The following STRAP variants were observed in gnomAD, a reference collection of about 807,000 sequenced individuals.
The protein encoded by STRAP is serine/threonine kinase receptor associated protein.
In STRAP, 16 loss-of-function variants were observed where a neutral mutation model predicts 47.0. That is an observed-to-expected ratio of 0.34 (90% confidence interval 0.23 to 0.52). The LOEUF (loss-of-function observed/expected upper bound fraction) is 0.52. STRAP is among the 20% of genes least tolerant of loss of function. The pLI is 0.96. For synonymous variants in STRAP, 130 were observed against 142.7 expected (o/e 0.91, Z 0.63); for missense variants, 293 against 420.0 (o/e 0.70, Z 2.64).
intron 7 of STRAP, 59 bp from the exon 8 acceptor site, chr12:15,899,845 T>TA: frequency 8.8e-6 from 13 of 1,485,630 alleles, no homozygotes; most frequent in Non-Finnish European, 1.2e-5. Flanking sequence ...TTTTTTTTTT[T>TA]AGCATATCAA....
At chr12:15,897,190 G>A (rs1948066289) in intron 6 of STRAP, among the ~76,000 whole-genome samples, 1 of 152,176 alleles carries the variant, frequency 6.6e-6, no homozygotes, top group African/African-American at 2.4e-5. Flanking sequence ...ATGATGGGAA[G>A]TATTTAGGAG....
intron 2 of STRAP, 72 bp from the exon 3 acceptor site, chr12:15,889,856 T>C: frequency 1.6e-6 from 2 of 1,247,060 alleles, no homozygotes; most frequent in East Asian, 5.1e-5. Flanking sequence ...CTCATCAATA[T>C]TATAATTGTA....
intron 2 of STRAP, among the ~76,000 whole-genome samples, chr12:15,889,621 AAAGT>A: frequency 6.6e-6 from 1 of 152,324 alleles, no homozygotes; most frequent in Non-Finnish European, 1.5e-5. Context: ...AGCTAAAATA[AAAGT>A]AAGGAGGATG....
intron 9 of STRAP, 121 bp from the exon 10 acceptor site, chr12:15,902,796 C>CCACAG: frequency 8.1e-7 from 1 of 1,241,930 alleles, no homozygotes; most frequent in East Asian, 2.7e-5. Context: ...CTTTCCCTTA[C>CCACAG]CACAGTATGC....
chr12:15,892,005 A>C (rs376116244), intron 4 of STRAP, among the ~76,000 whole-genome samples: 49 of 152,342 alleles, frequency 3.2e-4, no homozygotes, highest in African/African-American at 1.1e-3. Flanking sequence ...TCTTCCAACA[A>C]AGTATGGGTA....
Position 15,894,195 on chromosome 12 carries a change from C to A in STRAP, c.500+52C>A. 1 of 1,457,700 alleles carries A rather than the reference C, an allele frequency of 6.9e-7. No homozygotes were observed. Among genetic ancestry groups the A allele is most frequent in the Non-Finnish European group, 9.6e-7 (1 of 1,042,440 alleles). The allele number at this position is 1,457,700 out of a possible 1,614,324, so 90.3% of individuals were successfully genotyped here. On this transcript the variant is annotated intron_variant, in intron 5 of 9. Transcript: ENST00000419869. This position sits in a 1 kb window ranked among gnomAD's most constrained non-coding sequence, Gnocchi z 4.9. ...CAATTTAAGGCCGGGCATGGTGGCT[C>A]ACGCCTATAATCTCAGCACTTTGGG...
chr12:15,885,537 TCTG>T lies in STRAP; in HGVS notation c.248+1866_248+1868del, dbSNP rs146613059. 7.9e-3 allele frequency among the ~76,000 whole-genome samples: 1,153 copies of T among 146,500 alleles called. 19 individuals are homozygous for T. Among genetic ancestry groups the T allele is most frequent in the African/African-American group, 0.027 (1,092 of 39,744 alleles). ...CCTCACACTAAGGAGCAATTGTAAATCTGCTGCCTCCTTCATTTTAAGTACATT... is the reference window on the plus strand; with the variant it reads ...CCTCACACTAAGGAGCAATTGTAAATCTGCCTCCTTCATTTTAAGTACATT... On this transcript the variant is annotated intron_variant, in intron 2 of 9. Coordinates refer to ENST00000419869, the MANE Select transcript of STRAP (RefSeq NM_007178.4).
intron 8 of STRAP, 77 bp downstream of exon 8, chr12:15,900,130 C>T (rs1948091679): frequency 7.1e-7 from 1 of 1,402,020 alleles, no homozygotes; most frequent in African/African-American, 1.5e-5. Flanking sequence ...AATTTTATTT[C>T]AGGGTTCCTG....
intron 2 of STRAP, among the ~76,000 whole-genome samples, chr12:15,886,196 AT>A (rs112205733): frequency 6.2e-3 from 881 of 142,362 alleles, no homozygotes; most frequent in Non-Finnish European, 6.4e-3. Flanking sequence ...TCATCATAGG[AT>A]TTTTTTTTTT....
intron 2 of STRAP, 73 bp from the exon 3 acceptor site, chr12:15,889,855 A>G (rs1948000339): frequency 8.1e-7 from 1 of 1,231,352 alleles, no homozygotes; most frequent in Non-Finnish European, 1.2e-6. Flanking sequence ...ACTCATCAAT[A>G]TTATAATTGT....
chr12:15,883,242 A>G (rs1947939382), intron 1 of STRAP: 8 of 1,146,140 alleles, frequency 7.0e-6, no homozygotes, highest in Non-Finnish European at 1.0e-5. Flanking sequence ...CATTTTTCAA[A>G]TGGGAAACTG....
At chr12:15,893,789 G>T (rs1341286693) in intron 4 of STRAP, among the ~76,000 whole-genome samples, 1 of 151,348 alleles carries the variant, frequency 6.6e-6, no homozygotes, top group African/African-American at 2.4e-5. Flanking sequence ...AGCCTAGAGG[G>T]AGTGAGTGGT....
At chr12:15,882,885 C>A (rs914278141) in intron 1 of STRAP, 66 bp downstream of exon 1, 3 of 1,508,424 alleles carry the variant, frequency 2.0e-6, no homozygotes, top group East Asian at 4.7e-5. Context: ...GGGACCCGCA[C>A]GCTCCAGTGC....
In STRAP at chr12:15,882,448, G is replaced by A. The variant is rs1008354273; in HGVS notation, c.-260G>A. The stretch of plus-strand genomic sequence containing the variant: ...TGAATCGTGGCTGGCCCGGTTCTCC[G>A]CTTCTCCCCATCCCCTACTTTCCTC... On this transcript the variant is annotated 5_prime_UTR_variant, in exon 1 of 10. Coordinates refer to ENST00000419869, the MANE Select transcript of STRAP (RefSeq NM_007178.4). The A allele has an allele frequency of 3.9e-6, 2 of 513,458 alleles. No homozygotes were observed. Among genetic ancestry groups the A allele is most frequent in the Non-Finnish European group, 7.0e-6 (2 of 286,426 alleles). The allele number at this position is 513,458 out of a possible 1,614,324, so 31.8% of individuals were successfully genotyped here. A position where few individuals can be genotyped will look rare whatever the true frequency, so the allele number is the denominator to read the frequency against.
At position 15,887,359 on chromosome 12, in the gene STRAP, G is replaced by C. The variant is rs967052448; in HGVS notation, c.249-2569G>C. On this transcript the variant is annotated intron_variant, in intron 2 of 9. Transcript: ENST00000419869. This position sits in a 1 kb window ranked among gnomAD's most constrained non-coding sequence, Gnocchi z 5.5. ...AGTTTAAGGAGATGACAAGTACTTC[G>C]TGGGATGTGAAGAAAATGTTGGAGG... 6.6e-6 allele frequency among the ~76,000 whole-genome samples: 1 copy of C among 152,158 alleles called. No homozygotes were observed. The highest frequency in any genetic ancestry group is 2.4e-5 in the African/African-American group (1 of 41,444).
intron 2 of STRAP, among the ~76,000 whole-genome samples, chr12:15,889,073 T>C (rs1947994384): frequency 6.6e-6 from 1 of 152,182 alleles, no homozygotes; most frequent in Admixed American, 6.5e-5. Flanking sequence ...TGCAAAGTTT[T>C]CTTGTTTATT....
At chr12:15,891,870 C>T (rs1192940704) in intron 4 of STRAP, among the ~76,000 whole-genome samples, 2 of 151,690 alleles carry the variant, frequency 1.3e-5, no homozygotes, top group Admixed American at 6.6e-5. Flanking sequence ...CGCTTGAACC[C>T]GGGAGGTAGA....
chr12:15,895,311 CT>C (rs751750171), intron 5 of STRAP, 47 bp from the exon 6 acceptor site: 3 of 1,395,340 alleles, frequency 2.2e-6, no homozygotes, highest in South Asian at 1.7e-5. Context: ...AATTTATAAA[CT>C]TTTTTCTTAC....
At chr12:15,885,292 G>A (rs1343915073) in intron 2 of STRAP, among the ~76,000 whole-genome samples, 2 of 148,880 alleles carry the variant, frequency 1.3e-5, no homozygotes, top group Non-Finnish European at 3.0e-5. Context: ...GGGTTCAAGT[G>A]ATTCTCCCAC....
Sources: allele counts gnomAD v4.1 joint callset (sites outside exome capture counted in the v4.1 genomes callset), GRCh38; gene constraint gnomAD v4.1.1; non-coding constraint Gnocchi (gnomAD v3.1); transcripts MANE v1.5; gene names NCBI Gene and HGNC (gene_info 2026-07-23, HGNC 2026-07-21).